ODF2L: variants seen among roughly 807,000 people sequenced by gnomAD.
The protein encoded by ODF2L is protein BCAP.
ODF2L carries 76 observed loss-of-function variants against 86.3 expected under a neutral mutation model. The ratio of observed to expected loss-of-function variants is 0.88; its 90% CI spans 0.73 to 1.07. The LOEUF (loss-of-function observed/expected upper bound fraction) is 1.07. Among genes scored for constraint, ODF2L ranks in the 50% least tolerant of loss-of-function variants. The pLI, the probability that ODF2L is intolerant of heterozygous loss-of-function variation, is 0.00. For synonymous variants in ODF2L, 241 were observed against 231.3 expected (o/e 1.04, Z -0.38); for missense variants, 748 against 717.4 (o/e 1.04, Z -0.49).
intron 7 of ODF2L, among the ~76,000 whole-genome samples, chr1:86,378,924 G>A (rs933582312): frequency 1.3e-5 from 2 of 151,902 alleles, no homozygotes; most frequent in Admixed American, 6.6e-5. Flanking sequence ...GCTGGGGCCT[G>A]GTGGGAGGTG....
At chr1:86,371,647 T>C (rs1478806744) in intron 9 of ODF2L, among the ~76,000 whole-genome samples, 2 of 152,154 alleles carry the variant, frequency 1.3e-5, no homozygotes, top group East Asian at 3.9e-4. Flanking sequence ...TTATCAGTAA[T>C]ACATTTCAAA....
At chr1:86,368,801 G>A in intron 10 of ODF2L, 1 of 1,191,790 alleles carries the variant, frequency 8.4e-7, no homozygotes, top group Non-Finnish European at 1.1e-6. Flanking sequence ...AAAAACATTG[G>A]GAATAACCTG....
intron 8 of ODF2L, chr1:86,375,063 T>C (rs1660073937): frequency 6.6e-6 from 1 of 152,000 alleles, no homozygotes; most frequent in Non-Finnish European, 1.5e-5. Flanking sequence ...GTGAATGCTA[T>C]GAAAAAAATT....
intron 7 of ODF2L, among the ~76,000 whole-genome samples, chr1:86,381,418 A>G (rs750481279): frequency 5.3e-5 from 8 of 152,000 alleles, no homozygotes; most frequent in African/African-American, 7.2e-5. Flanking sequence ...AACCCGCATT[A>G]TGTCCCTTTA....
At chr1:86,392,540 T>C (rs983393421) in intron 1 of ODF2L, among the ~76,000 whole-genome samples, 2 of 152,204 alleles carry the variant, frequency 1.3e-5, no homozygotes, top group African/African-American at 4.8e-5. Context: ...AGACTATTAC[T>C]CTAAGTGAAG....
intron 14 of ODF2L, among the ~76,000 whole-genome samples, chr1:86,355,761 T>C (rs953623053): frequency 6.6e-6 from 1 of 150,512 alleles, no homozygotes; most frequent in African/African-American, 2.4e-5. Flanking sequence ...TAGCTCCTAC[T>C]TTTTAAGTGA....
intron 1 of ODF2L, among the ~76,000 whole-genome samples, chr1:86,393,471 A>C (rs890733537): frequency 1.3e-5 from 2 of 152,198 alleles, no homozygotes; most frequent in African/African-American, 4.8e-5. Flanking sequence ...AATGGAAAAA[A>C]CGTTTTCTGA....
intron 1 of ODF2L, chr1:86,395,813 C>G (rs990074511): frequency 6.6e-6 from 1 of 152,304 alleles, no homozygotes; most frequent in Non-Finnish European, 1.5e-5. Context: ...GGGACCACAC[C>G]CTTCCTAAGA....
intron 11 of ODF2L, among the ~76,000 whole-genome samples, chr1:86,366,425 CACACACACATACACAT>C (rs1659432783): frequency 6.9e-6 from 1 of 145,086 alleles, no homozygotes; most frequent in African/African-American, 2.7e-5. Flanking sequence ...CACACACACA[CACACACACATACACAT>C]ACACATACAC....
In ODF2L at chr1:86,380,040, T is replaced by C. The variant is rs563165907; in HGVS notation, c.624+2202A>G. Among the ~76,000 whole-genome samples the C allele has an allele frequency of 4.6e-5, 7 of 152,332 alleles. No homozygotes were observed. In the South Asian group the frequency reaches 1.4e-3, roughly 32 times the overall value. ...GTATTAAGTATCTATTAAAGACTTA[T>C]GATTTTAATGTTTTTACATTTTCAA... On this transcript the variant is annotated intron_variant, in intron 7 of 17. Transcript: ENST00000317336.
intron 3 of ODF2L, among the ~76,000 whole-genome samples, 193 bp downstream of exon 3, chr1:86,385,265 G>A (rs1479825592): frequency 1.3e-5 from 2 of 151,912 alleles, no homozygotes; most frequent in Non-Finnish European, 2.9e-5. Flanking sequence ...CTCTTATCAG[G>A]TGTATGCTGA....
chr1:86,355,283 G>T, intron 14 of ODF2L: 2 of 1,086,472 alleles, frequency 1.8e-6, no homozygotes, highest in Non-Finnish European at 2.7e-6. Flanking sequence ...AGTCGAAACT[G>T]TAAATAAAAT....
rs1241225887 is a variant in ODF2L, at chr1:86,386,687, C to T, written c.113+228G>A. 10 of 404,022 alleles carry T rather than the reference C, an allele frequency of 2.5e-5. No homozygotes were observed. In the East Asian group the frequency reaches 3.7e-4, roughly 15 times the overall value. The allele number at this position is 404,022 out of a possible 1,614,324, so 25.0% of individuals were successfully genotyped here. ...ACAGGCATGATCCATTGCGCCCGGC[C>T]AGGTTTTCATTTTTAATTGCTTTCA... is the stretch of plus-strand genomic sequence containing the variant. On this transcript the variant is annotated intron_variant, in intron 2 of 17. Transcript: ENST00000317336.
At chr1:86,388,164 G>A (rs111814256) in intron 1 of ODF2L, among the ~76,000 whole-genome samples, 2,094 of 152,114 alleles carry the variant, frequency 0.014, 21 homozygotes, top group Middle Eastern at 0.037. Flanking sequence ...AGATAGTCTA[G>A]GATGATTCCC....
Position 86,385,610 on chromosome 1 carries a change from C to T in ODF2L, c.114-20G>A, listed in dbSNP as rs1211912201. ...TTCAGGCTAATTACAAATGCACATACAAAATTTAAGTTAAATCCATTTCAT... is the reference window on the plus strand; with the variant it reads ...TTCAGGCTAATTACAAATGCACATATAAAATTTAAGTTAAATCCATTTCAT... On this transcript the variant is annotated intron_variant, in intron 2 of 17. Transcript: ENST00000317336. 5.0e-6 allele frequency: 8 copies of T among 1,601,386 alleles called. No homozygotes were observed. Among genetic ancestry groups the T allele is most frequent in the East Asian group, 2.2e-5 (1 of 44,672 alleles).
intron 1 of ODF2L, among the ~76,000 whole-genome samples, chr1:86,394,879 C>CGCCCAG (rs1661610332): frequency 1.5e-5 from 2 of 133,634 alleles, no homozygotes; most frequent in South Asian, 4.6e-4. Context: ...CTCGCGCTGT[C>CGCCCAG]GCCCAGGCTG....
exon 5 of ODF2L, chr1:86,383,146 T>G (rs1393469597): frequency 2.5e-6 from 4 of 1,573,550 alleles, no homozygotes; most frequent in Non-Finnish European, 2.6e-6. Flanking sequence ...TATTTTCACT[T>G]TCATTATCAG....
exon 2 of ODF2L, chr1:86,386,918 C>A (rs1282823233): frequency 6.7e-7 from 1 of 1,502,112 alleles, no homozygotes. Flanking sequence ...AGAATACCAG[C>A]TGAGATGACT....
chr1:86,358,801 T>G lies in ODF2L; in HGVS notation c.1345A>C (p.Lys449Gln), dbSNP rs1658787099. The G allele has an allele frequency of 5.7e-6, 8 of 1,400,976 alleles. No homozygotes were observed. The highest frequency in any genetic ancestry group is 7.9e-6 in the Non-Finnish European group (8 of 1,012,722). The allele number at this position is 1,400,976 out of a possible 1,614,324, so 86.8% of individuals were successfully genotyped here. Residue 449 changes from lysine to glutamine, a missense_variant, in exon 13 of 18, where the codon AAA becomes CAA. By Grantham distance (53) the Lys-to-Gln change is moderately conservative. Transcript: ENST00000317336. ...TCCAAACGTACCTTCTCTACATTTTTATTTTTGGTTTTTGTTATTTGGTTA... is the reference window on the plus strand; with the variant it reads ...TCCAAACGTACCTTCTCTACATTTTGATTTTTGGTTTTTGTTATTTGGTTA...
Sources: allele counts gnomAD v4.1 joint callset (sites outside exome capture counted in the v4.1 genomes callset), GRCh38; gene constraint gnomAD v4.1.1; transcripts MANE v1.5; gene names NCBI Gene and HGNC (gene_info 2026-07-23, HGNC 2026-07-21).